VAV3: variants seen among roughly 807,000 people sequenced by gnomAD.
VAV3 encodes vav guanine nucleotide exchange factor 3.
VAV3 carries 94 observed loss-of-function variants against 131.2 expected under a neutral mutation model. That is an observed-to-expected ratio of 0.72 (90% CI 0.61 to 0.85). The LOEUF is 0.85. Among genes scored for constraint, VAV3 ranks in the 40% least tolerant of loss-of-function variants. VAV3 has a pLI of 0.00. For missense variants in VAV3, 939 were observed against 1,002.7 expected (o/e 0.94, Z 0.86); for synonymous variants, 349 against 342.0 (o/e 1.02, Z -0.22).
chr1:107,766,698 G>A (rs368950602), intron 7 of VAV3, 148 bp from the exon 8 acceptor site: 157 of 645,504 alleles, frequency 2.4e-4, no homozygotes, highest in East Asian at 2.1e-3. Context: ...AATAAAGAGA[G>A]AGGGAAAAGG....
intron 19 of VAV3, among the ~76,000 whole-genome samples, chr1:107,649,298 C>T (rs1655978342): frequency 6.6e-6 from 1 of 152,086 alleles, no homozygotes; most frequent in Non-Finnish European, 1.5e-5. Context: ...ACATGTGAGA[C>T]ACCAGCGGCT....
At chr1:107,643,241 G>T (rs1236227905) in intron 19 of VAV3, among the ~76,000 whole-genome samples, 1 of 152,114 alleles carries the variant, frequency 6.6e-6, no homozygotes, top group Non-Finnish European at 1.5e-5. Flanking sequence ...AAAGCAAAAA[G>T]GTGATGGATG....
chr1:107,857,897 G>A (rs887275180), intron 2 of VAV3, among the ~76,000 whole-genome samples: 1 of 152,040 alleles, frequency 6.6e-6, no homozygotes, highest in Non-Finnish European at 1.5e-5. Context: ...GGACTACATG[G>A]GAAATTTTTC....
At chr1:107,655,008 T>G (rs569166553) in intron 19 of VAV3, among the ~76,000 whole-genome samples, 1 of 151,924 alleles carries the variant, frequency 6.6e-6, no homozygotes, top group Admixed American at 6.6e-5. Flanking sequence ...AGTCCACTGG[T>G]AAAATTAAGA....
intron 19 of VAV3, among the ~76,000 whole-genome samples, chr1:107,645,948 G>A (rs1033397684): frequency 1.2e-4 from 18 of 151,962 alleles, no homozygotes; most frequent in African/African-American, 4.1e-4. Context: ...TTATTAATAA[G>A]GTCTTCTTGA....
rs567168551 is a variant in VAV3, at chr1:107,768,200, T to C, written c.717+241A>G. ...ATGACAAAGAGTTAAGAATAACACATGAAAGTTATTTTTCCATTTGTGTTC... is the reference window on the plus strand; with the variant it reads ...ATGACAAAGAGTTAAGAATAACACACGAAAGTTATTTTTCCATTTGTGTTC... On this transcript the variant is annotated intron_variant, in intron 7 of 26. Coordinates refer to ENST00000370056, the MANE Select transcript of VAV3 (RefSeq NM_006113.5). Among the ~76,000 whole-genome samples the C allele has an allele frequency of 5.9e-5, 9 of 152,150 alleles. No homozygotes were observed. In the South Asian group the frequency reaches 6.2e-4, roughly 11 times the overall value.
chr1:107,667,268 T>C (rs1657476123), intron 19 of VAV3, among the ~76,000 whole-genome samples: 1 of 152,222 alleles, frequency 6.6e-6, no homozygotes, highest in Admixed American at 6.5e-5. Flanking sequence ...TACACAGAAA[T>C]TCTGGAAGGT....
chr1:107,695,897 T>C (rs999753679), intron 17 of VAV3, among the ~76,000 whole-genome samples: 6 of 152,182 alleles, frequency 3.9e-5, no homozygotes, highest in African/African-American at 1.4e-4. Context: ...CTACCTCTCA[T>C]TGAGCCCCTG....
intron 1 of VAV3, among the ~76,000 whole-genome samples, chr1:107,905,533 TA>T (rs563023428): frequency 2.3e-4 from 34 of 150,646 alleles, no homozygotes; most frequent in Middle Eastern, 3.4e-3. Context: ...TCTGACATCT[TA>T]AAAAAAAAAT....
chr1:107,670,112 A>G (rs138224836), intron 19 of VAV3, among the ~76,000 whole-genome samples: 2 of 152,332 alleles, frequency 1.3e-5, no homozygotes, highest in African/African-American at 4.8e-5. Context: ...ACTGAGGCTT[A>G]TTAAATTGTC....
chr1:107,633,465 T>G (rs951172115), intron 20 of VAV3, among the ~76,000 whole-genome samples: 2 of 152,182 alleles, frequency 1.3e-5, no homozygotes, highest in Non-Finnish European at 2.9e-5. Context: ...TGTGAAAAAC[T>G]GATTGGCTTT....
intron 2 of VAV3, among the ~76,000 whole-genome samples, chr1:107,862,268 T>C (rs770337429): frequency 4.6e-5 from 7 of 151,520 alleles, no homozygotes; most frequent in Non-Finnish European, 1.5e-5. Context: ...TTGGTGCTCA[T>C]ACCACTACTG....
chr1:107,651,467 G>A (rs1039713271), intron 19 of VAV3, among the ~76,000 whole-genome samples: 6 of 148,242 alleles, frequency 4.0e-5, no homozygotes, highest in Non-Finnish European at 7.4e-5. Flanking sequence ...AAACACCATG[G>A]TGCCATAGGT....
Position 107,964,264 on chromosome 1 carries a change from CAAAAG to C in VAV3, c.204+397_204+401del, listed in dbSNP as rs1201605417. The stretch of plus-strand genomic sequence containing the variant: ...GAAAACATGAGTACAAGACGCAAAG[CAAAAG>C]AAGAGACTAAAGGCAAATTACCCCA... On this transcript the variant is annotated intron_variant, in intron 1 of 26. Coordinates refer to ENST00000370056, the MANE Select transcript of VAV3 (RefSeq NM_006113.5). Among the ~76,000 whole-genome samples, 6 of 152,256 alleles carry C rather than the reference CAAAAG, an allele frequency of 3.9e-5. No homozygotes were observed. The East Asian group carries it at 1.2e-3, about 29-fold the overall frequency.
At chr1:107,833,515 T>C (rs139727371) in intron 2 of VAV3, among the ~76,000 whole-genome samples, 123 of 152,366 alleles carry the variant, frequency 8.1e-4, no homozygotes, top group Middle Eastern at 3.4e-3. Context: ...CTCTCTTCTA[T>C]ACTTTTTCAC....
chr1:107,772,635 G>T (rs986241347), intron 5 of VAV3, 100 bp downstream of exon 5: 1 of 1,016,994 alleles, frequency 9.8e-7, no homozygotes, highest in South Asian at 1.6e-5. Flanking sequence ...GCAAGCAAAG[G>T]TTAAAAAAAA....
chr1:107,855,858 C>A (rs1437326799), intron 2 of VAV3, among the ~76,000 whole-genome samples: 1 of 152,206 alleles, frequency 6.6e-6, no homozygotes, highest in Non-Finnish European at 1.5e-5. Flanking sequence ...AGAAAAATAC[C>A]TGCTGAGTCC....
intron 15 of VAV3, among the ~76,000 whole-genome samples, chr1:107,732,284 C>A (rs1010920437): frequency 6.6e-5 from 10 of 152,230 alleles, no homozygotes; most frequent in African/African-American, 2.2e-4. Context: ...GTCTGCAGCT[C>A]CCAGCGTGAC....
At chr1:107,775,962 G>A (rs80255118) in intron 4 of VAV3, among the ~76,000 whole-genome samples, 1,886 of 152,252 alleles carry the variant, frequency 0.012, 36 homozygotes, top group African/African-American at 0.043. Flanking sequence ...AATAAGAGGT[G>A]TCTGAGTTCA....
Sources: gnomAD v4.1 joint callset for allele counts (sites outside exome capture counted in the v4.1 genomes callset) on GRCh38, gnomAD v4.1.1 for gene constraint, MANE v1.5 for transcripts, NCBI Gene and HGNC (gene_info 2026-07-23, HGNC 2026-07-21) for gene names.